Variants in VEPH1 observed in about 807,000 individuals in gnomAD.
VEPH1 encodes ventricular zone expressed PH domain containing 1, also known as ventricular zone-expressed PH domain-containing protein homolog 1.
VEPH1 carries 80 observed loss-of-function variants against 85.2 expected under a neutral mutation model. The ratio of observed to expected loss-of-function variants is 0.94; its 90% CI spans 0.78 to 1.13. VEPH1 has a LOEUF of 1.13. Ranked by LOEUF, VEPH1 falls within the 50% of genes most tolerant of loss-of-function variation. The probability of loss-of-function intolerance (pLI) is 0.00; values close to 1 mark genes in which losing one functional copy is unlikely to be tolerated. For synonymous variants in VEPH1, 297 were observed against 348.0 expected (o/e 0.85, Z 1.63); for missense variants, 955 against 980.5 (o/e 0.97, Z 0.35).
chr3:157,276,790 T>C (rs1490352995), intron 12 of VEPH1, among the ~76,000 whole-genome samples: 1 of 152,200 alleles, frequency 6.6e-6, no homozygotes, highest in Non-Finnish European at 1.5e-5. Flanking sequence ...GAGTAGTACA[T>C]GTCTTTATGA....
rs567002793 is a variant in VEPH1 at position 157,260,409 on chromosome 3, T to C, written c.*725A>G. 4 of 152,320 alleles carry C rather than the reference T, an allele frequency of 2.6e-5. No individual in the cohort carries two copies. The highest frequency in any genetic ancestry group is 5.9e-5 in the Non-Finnish European group (4 of 68,022). 9.4% of individuals were successfully genotyped at this position (152,320 alleles called of 1,614,324 possible). A position where few individuals can be genotyped will look rare whatever the true frequency, so the allele number is the denominator to read the frequency against. On this transcript the variant is annotated 3_prime_UTR_variant, in exon 14 of 14. Coordinates refer to ENST00000362010, the MANE Select transcript of VEPH1 (RefSeq NM_001167912.2). Reference sequence around the variant, plus strand: ...CGGAGATGGCACATTATTTTGAAGATAGAGAAAATGGCTTTCTATCCTTTT... The same window carrying C: ...CGGAGATGGCACATTATTTTGAAGACAGAGAAAATGGCTTTCTATCCTTTT...
intron 11 of VEPH1, among the ~76,000 whole-genome samples, chr3:157,304,864 A>C (rs1013278965): frequency 6.6e-6 from 1 of 152,114 alleles, no homozygotes; most frequent in Non-Finnish European, 1.5e-5. Flanking sequence ...GCAATCCTCC[A>C]AATAATATTC....
chr3:157,364,517 AG>A lies in VEPH1; in HGVS notation c.1128-6del, dbSNP rs2108777686. ...ATTTCAGTGCTGATTTTTCTCCTAA[AG>A]GAATATAAATCATTGCATTAGATGC... On this transcript the variant is annotated splice_region_variant and splice_polypyrimidine_tract_variant and intron_variant, in intron 7 of 13. Coordinates refer to ENST00000362010, the MANE Select transcript of VEPH1 (RefSeq NM_001167912.2). The A allele has an allele frequency of 6.2e-7, 1 of 1,612,024 alleles. No homozygotes were observed. The highest frequency in any genetic ancestry group is 2.2e-5 in the East Asian group (1 of 44,812).
In VEPH1 at chr3:157,261,232, T is replaced by C. The variant is rs1284739706; in HGVS notation, c.2404A>G (p.Lys802Glu). Residue 802 changes from lysine (K) to glutamate (E), a missense_variant, in exon 14 of 14, where the codon AAG (lysine) becomes GAG (glutamate). Lys to Glu is a moderately conservative substitution (Grantham distance 56, BLOSUM62 1). Coordinates refer to ENST00000362010, the MANE Select transcript of VEPH1 (RefSeq NM_001167912.2). ...TDNKTYVFKA[K>E]DEKNAEEWLQ... Reference sequence around the variant, plus strand: ...CATTCTTCTGCATTCTTCTCATCCTTGGCCTTAAAGACATAGGTTTTATTG... The same window carrying C: ...CATTCTTCTGCATTCTTCTCATCCTCGGCCTTAAAGACATAGGTTTTATTG... The C allele has an allele frequency of 6.2e-7, 1 of 1,613,822 alleles. No individual in the cohort carries two copies. The highest frequency in any genetic ancestry group is 2.2e-5 in the East Asian group (1 of 44,864).
chr3:157,451,228 G>T (rs57095742), intron 4 of VEPH1, among the ~76,000 whole-genome samples: 29,596 of 151,892 alleles, frequency 0.19, 3,364 homozygotes, highest in Non-Finnish European at 0.26. Context: ...TAATTTTTTT[G>T]TGTGTGAGTT....
intron 1 of VEPH1, among the ~76,000 whole-genome samples, chr3:157,498,355 A>C (rs1316232118): frequency 6.6e-6 from 1 of 152,224 alleles, no homozygotes; most frequent in Non-Finnish European, 1.5e-5. Flanking sequence ...CACAGGTGAT[A>C]AAGTGTAAAC....
At position 157,272,375 on chromosome 3, in the gene VEPH1, T is replaced by TTTCTTTTCTTTCTTTCTTTC. The variant is rs200016080; in HGVS notation, c.2129-6714_2129-6713insGAAAGAAAGAAAGAAAAGAA. 1.7e-3 allele frequency among the ~76,000 whole-genome samples: 158 copies of TTTCTTTTCTTTCTTTCTTTC among 95,038 alleles called. 3 individuals carry two copies. Among genetic ancestry groups the TTTCTTTTCTTTCTTTCTTTC allele is most frequent in the Middle Eastern group, 4.8e-3 (1 of 210 alleles). 62.3% of individuals were successfully genotyped at this position (95,038 alleles called of 152,430 possible). ...CTCTCTCTTTCTTTCTTTCTCTTTC[T>TTTCTTTTCTTTCTTTCTTTC]TTTCTTTCTTTCTTTCTTTCTTTCT... On this transcript the variant is annotated intron_variant, in intron 12 of 13. Transcript: ENST00000362010.
At chr3:157,322,399 G>A (rs571896767) in intron 9 of VEPH1, among the ~76,000 whole-genome samples, 1 of 152,168 alleles carries the variant, frequency 6.6e-6, no homozygotes, top group African/African-American at 2.4e-5. Flanking sequence ...TTTGGCTACT[G>A]TGAATAATGC....
At chr3:157,340,599 C>T (rs2090925) in intron 9 of VEPH1, among the ~76,000 whole-genome samples, 35,913 of 152,146 alleles carry the variant, frequency 0.24, 4,790 homozygotes, top group South Asian at 0.33. Context: ...CCTCTGGAGG[C>T]AGGGCATAGC....
At chr3:157,438,037 G>GCACACA (rs781700719) in intron 4 of VEPH1, 5,929 of 514,856 alleles carry the variant, frequency 0.012, 26 homozygotes, top group East Asian at 0.02. Flanking sequence ...GCGCGCGCGC[G>GCACACA]CACACACACA....
intron 11 of VEPH1, among the ~76,000 whole-genome samples, chr3:157,295,548 C>T (rs1718016212): frequency 6.6e-6 from 1 of 152,072 alleles, no homozygotes; most frequent in Admixed American, 6.6e-5. Flanking sequence ...TATTACTTCC[C>T]ATGATGCTGG....
At chr3:157,342,655 C>T (rs889693106) in intron 9 of VEPH1, among the ~76,000 whole-genome samples, 5 of 152,198 alleles carry the variant, frequency 3.3e-5, no homozygotes, top group African/African-American at 7.2e-5. Flanking sequence ...AAGAATTGAA[C>T]TCAGCTCTGC....
intron 5 of VEPH1, among the ~76,000 whole-genome samples, chr3:157,416,629 A>T (rs992765187): frequency 1.3e-5 from 2 of 152,180 alleles, no homozygotes; most frequent in Middle Eastern, 3.2e-3. Context: ...CTGTTTCCTG[A>T]ACACCAAGGT....
chr3:157,266,416 CT>C (rs1246406514), intron 12 of VEPH1, among the ~76,000 whole-genome samples: 1 of 152,070 alleles, frequency 6.6e-6, no homozygotes, highest in Non-Finnish European at 1.5e-5. Context: ...ATGAGGGTGG[CT>C]TTCCCCCATA....
chr3:157,427,107 C>T (rs1444348173), intron 5 of VEPH1, among the ~76,000 whole-genome samples: 3 of 152,126 alleles, frequency 2.0e-5, no homozygotes. Flanking sequence ...CCTGCCTCAG[C>T]CTCCTGAGTA....
intron 4 of VEPH1, among the ~76,000 whole-genome samples, chr3:157,457,593 G>A (rs1350640000): frequency 2.6e-5 from 4 of 152,078 alleles, no homozygotes; most frequent in Non-Finnish European, 4.4e-5. Flanking sequence ...AACATGAAGC[G>A]GTGTTGAATT....
rs371268588 is a variant in VEPH1 at position 157,351,345 on chromosome 3, T to C, written c.1735+12019A>G. 3.3e-4 allele frequency among the ~76,000 whole-genome samples: 50 copies of C among 152,214 alleles called. No homozygotes were observed. In the East Asian group the frequency reaches 5.8e-3, roughly 18 times the overall value. On this transcript the variant is annotated intron_variant, in intron 9 of 13. Transcript: ENST00000362010. ...CCTGTAGTCCCAGCTACTTGGGAAG[T>C]TGAGGCAGGAGAATCGCTTGAACAT...
At chr3:157,493,062 G>A (rs1739357658) in intron 2 of VEPH1, 1 of 306,426 alleles carries the variant, frequency 3.3e-6, no homozygotes, top group Non-Finnish European at 6.5e-6. Flanking sequence ...ACCACTGATA[G>A]GGAAGGGTAG....
At chr3:157,465,986 G>A (rs915864177) in intron 3 of VEPH1, among the ~76,000 whole-genome samples, 5 of 152,180 alleles carry the variant, frequency 3.3e-5, no homozygotes, top group Admixed American at 6.5e-5. Context: ...GGCTGTGACT[G>A]CAGTAGAGTG....
Sources: allele counts gnomAD v4.1 joint callset (sites outside exome capture counted in the v4.1 genomes callset), GRCh38; gene constraint gnomAD v4.1.1; transcripts MANE v1.5; gene names NCBI Gene and HGNC (gene_info 2026-07-23, HGNC 2026-07-21).